GNG12: variants seen among roughly 807,000 people sequenced by gnomAD.
The protein encoded by GNG12 is G protein subunit gamma 12.
For missense variants in GNG12, 69 were observed against 83.8 expected, an observed-to-expected ratio of 0.82 and a Z score of 0.69; for synonymous variants, 28 against 29.7, an observed-to-expected ratio of 0.94 and a Z score of 0.19.
At chr1:67,777,049 T>G (rs1414382918) in intron 2 of GNG12, 2 of 152,102 alleles carry the variant, frequency 1.3e-5, no homozygotes, top group East Asian at 1.9e-4. Context: ...AGAGCAATAA[T>G]AAAGAGTAGA....
intron 2 of GNG12, among the ~76,000 whole-genome samples, chr1:67,717,278 G>A (rs1646331018): frequency 6.6e-6 from 1 of 152,136 alleles, no homozygotes; most frequent in Non-Finnish European, 1.5e-5. Flanking sequence ...CACTTTGGGA[G>A]GCCGAGGCAG....
intron 1 of GNG12, among the ~76,000 whole-genome samples, chr1:67,808,949 G>A (rs1003773081): frequency 1.3e-5 from 2 of 152,138 alleles, no homozygotes; most frequent in African/African-American, 2.4e-5. Context: ...TGAATCTAAA[G>A]TATTACGAAG....
chr1:67,809,975 T>C (rs931714529), intron 1 of GNG12, among the ~76,000 whole-genome samples: 3 of 152,234 alleles, frequency 2.0e-5, no homozygotes, highest in Non-Finnish European at 4.4e-5. Context: ...ACATGGATGT[T>C]TACAGCTTTG....
chr1:67,719,423 T>C (rs1468298249), intron 2 of GNG12, among the ~76,000 whole-genome samples: 5 of 152,218 alleles, frequency 3.3e-5, no homozygotes, highest in African/African-American at 1.2e-4. Flanking sequence ...TGTGCACTAA[T>C]GCCCTAAAAC....
chr1:67,750,889 C>T (rs909765146), intron 2 of GNG12, among the ~76,000 whole-genome samples: 5 of 152,064 alleles, frequency 3.3e-5, no homozygotes, highest in Admixed American at 1.3e-4. Context: ...ACTTATTAGT[C>T]GTATTTTCAT....
chr1:67,747,910 C>T (rs1224526693), intron 2 of GNG12, among the ~76,000 whole-genome samples: 1 of 152,142 alleles, frequency 6.6e-6, no homozygotes, highest in African/African-American at 2.4e-5. Context: ...AATGTTGGCT[C>T]CCTGTACCAA....
At chr1:67,833,128 C>T (rs150690036) in intron 1 of GNG12, among the ~76,000 whole-genome samples, 3,816 of 151,056 alleles carry the variant, frequency 0.025, 80 homozygotes, top group Admixed American at 0.07. Flanking sequence ...TCCTCCCCCT[C>T]CCCCCGGTCT....
At chr1:67,829,176 CTTATGG>C (rs942117749) in intron 1 of GNG12, among the ~76,000 whole-genome samples, 35 of 152,214 alleles carry the variant, frequency 2.3e-4, no homozygotes, top group Admixed American at 6.5e-4. Flanking sequence ...CTAGGCTTTT[CTTATGG>C]TTTAAAAATA....
intron 2 of GNG12, among the ~76,000 whole-genome samples, chr1:67,762,624 T>C (rs1243208256): frequency 1.3e-5 from 2 of 152,312 alleles, no homozygotes; most frequent in African/African-American, 2.4e-5. Flanking sequence ...TATGTGGTGG[T>C]AAAGACGCAG....
intron 2 of GNG12, among the ~76,000 whole-genome samples, chr1:67,750,027 A>G (rs1260781728): frequency 6.6e-6 from 1 of 152,196 alleles, no homozygotes; most frequent in East Asian, 1.9e-4. Flanking sequence ...GTGCTTCAGA[A>G]CTGAAACTCT....
chr1:67,742,782 G>A (rs1646489670), intron 2 of GNG12, among the ~76,000 whole-genome samples: 1 of 152,080 alleles, frequency 6.6e-6, no homozygotes, highest in Non-Finnish European at 1.5e-5. Flanking sequence ...AACATATAAT[G>A]ATTTCTGGTG....
intron 2 of GNG12, among the ~76,000 whole-genome samples, chr1:67,752,180 G>A (rs991596102): frequency 1.7e-4 from 26 of 152,054 alleles, no homozygotes; most frequent in Admixed American, 1.6e-3. Context: ...GAAATCTAAC[G>A]TATACTCCTT....
chr1:67,790,292 T>C (rs1368999584), intron 1 of GNG12, among the ~76,000 whole-genome samples: 1 of 152,182 alleles, frequency 6.6e-6, no homozygotes, highest in Non-Finnish European at 1.5e-5. Context: ...CTTACAGATC[T>C]TTCCATTTTA....
chr1:67,804,529 C>A (rs1646883851), intron 1 of GNG12, among the ~76,000 whole-genome samples: 1 of 152,054 alleles, frequency 6.6e-6, no homozygotes, highest in African/African-American at 2.4e-5. Context: ...GCCAGTTGGG[C>A]AAGCAAGGAG....
chr1:67,734,004 C>T (rs559059101), intron 2 of GNG12, among the ~76,000 whole-genome samples: 27 of 152,242 alleles, frequency 1.8e-4, no homozygotes, highest in African/African-American at 4.1e-4. Flanking sequence ...CTAGGGCCAA[C>T]GGTTTGCACA....
At chr1:67,744,753 A>G (rs981449006) in intron 2 of GNG12, among the ~76,000 whole-genome samples, 5 of 152,222 alleles carry the variant, frequency 3.3e-5, no homozygotes, top group Non-Finnish European at 7.3e-5. Context: ...AGATGGGAAG[A>G]GCGAGCTTTG....
intron 1 of GNG12, among the ~76,000 whole-genome samples, chr1:67,792,799 C>T (rs1012967080): frequency 5.9e-5 from 9 of 152,164 alleles, no homozygotes; most frequent in Non-Finnish European, 1.0e-4. Context: ...TAAGACAACT[C>T]CTTGGAAGAG....
intron 2 of GNG12, among the ~76,000 whole-genome samples, chr1:67,733,743 C>A (rs1570496809): frequency 6.6e-6 from 1 of 152,180 alleles, no homozygotes; most frequent in Non-Finnish European, 1.5e-5. Context: ...CATTGCAGGA[C>A]CAACTTCAGA....
At position 67,829,379 on chromosome 1, in the gene GNG12, A is replaced by G. The variant is rs533433653; in HGVS notation, c.-77+3965T>C. On this transcript the variant is annotated intron_variant, in intron 1 of 3. Coordinates refer to ENST00000370982, the MANE Select transcript of GNG12 (RefSeq NM_018841.6). The stretch of plus-strand genomic sequence containing the variant: ...TAATATTGCAAACCATTTCACATTT[A>G]AAAGACAAAATGATGATTGTCTAAT... 2.0e-5 allele frequency among the ~76,000 whole-genome samples: 3 copies of G among 152,384 alleles called. No homozygotes were observed. In the East Asian group the frequency reaches 5.8e-4, roughly 29 times the overall value.
Sources: gnomAD v4.1 joint callset for allele counts (sites outside exome capture counted in the v4.1 genomes callset) on GRCh38, gnomAD v4.1.1 for gene constraint, MANE v1.5 for transcripts, NCBI Gene and HGNC (gene_info 2026-07-23, HGNC 2026-07-21) for gene names.